The following SLC1A6 variants were observed in gnomAD, a reference collection of about 807,000 sequenced individuals.
The protein encoded by SLC1A6 is solute carrier family 1 member 6.
Under a neutral mutation model 42.1 loss-of-function variants are expected in SLC1A6, and 15 were observed. That is an observed-to-expected ratio of 0.36 (90% CI 0.24 to 0.55). The LOEUF (loss-of-function observed/expected upper bound fraction) is 0.55, where lower values mean the gene tolerates loss of function less well. SLC1A6 is among the 20% of genes least tolerant of loss of function. The pLI is 0.88. For synonymous variants in SLC1A6, 317 were observed against 319.7 expected (o/e 0.99, Z 0.09); for missense variants, 542 against 772.5 (o/e 0.70, Z 3.54).
rs377194223 is a variant in SLC1A6, at chr19:14,994,466, T to G, written c.6+16019A>C. On this transcript the variant is annotated intron_variant, in intron 1 of 8. Coordinates refer to the SLC1A6 transcript ENST00000430939. ...CGTAACTGCATGGATTCTGCAATCC[T>G]GTATGGTTTCTTTACCCCCTACCAC... Among the ~76,000 whole-genome samples the G allele has an allele frequency of 1.4e-4, 21 of 152,266 alleles. No homozygotes were observed. In the East Asian group the frequency reaches 1.7e-3, roughly 13 times the overall value.
upstream of SLC1A6, among the ~76,000 whole-genome samples, chr19:14,983,815 T>C (rs2045780111): frequency 6.8e-6 from 1 of 147,388 alleles, no homozygotes; most frequent in South Asian, 2.2e-4. Context: ...TGCTCAGACA[T>C]AACTTCTAGT....
chr19:14,991,904 C>A (rs1169553655), intron 1 of SLC1A6, among the ~76,000 whole-genome samples: 1 of 151,642 alleles, frequency 6.6e-6, no homozygotes, highest in African/African-American at 2.4e-5. Context: ...TGGCTCACTG[C>A]AATCTCCGCC....
chr19:14,996,041 C>A (rs767489602), intron 1 of SLC1A6, among the ~76,000 whole-genome samples: 14 of 152,076 alleles, frequency 9.2e-5, no homozygotes, highest in Non-Finnish European at 1.6e-4. Flanking sequence ...GAAGGAAACA[C>A]GGTAGAAAAA....
rs538884974 is a variant in SLC1A6, at chr19:14,971,795, A to G, written c.285T>C (p.Leu95=). 2 of 1,614,142 alleles carry G rather than the reference A, an allele frequency of 1.2e-6. No individual in the cohort carries two copies. The highest frequency in any genetic ancestry group is 1.7e-6 in the Non-Finnish European group (2 of 1,180,010). ...CCAGCATCTGCAGCATCCTCATCAG[A>G]AGCTCTCCAGGAAAAGAGAAGTACT... ...QIKYFSFPGE[L]LMRMLQMLVL... Residue 95 remains leucine, a synonymous_variant, in exon 3 of 10, where the codon CTT becomes CTC. Transcript: ENST00000594383.
Position 15,005,593 on chromosome 19 carries a change from A to G in SLC1A6, c.6+4892T>C, listed in dbSNP as rs142200528. 4.9e-3 allele frequency among the ~76,000 whole-genome samples: 742 copies of G among 152,324 alleles called. 11 individuals are homozygous for G. The highest frequency in any genetic ancestry group is 0.017 in the African/African-American group (718 of 41,580). On this transcript the variant is annotated intron_variant, in intron 1 of 8. Transcript: ENST00000430939. ...GCTAGAGAAGTGTCCAAAATGGGTCATCAAAGCCAGGAGCTAGCAGTGAGT... is the reference window on the plus strand; with the variant it reads ...GCTAGAGAAGTGTCCAAAATGGGTCGTCAAAGCCAGGAGCTAGCAGTGAGT...
chr19:14,969,989 C>A (rs1197623455), intron 3 of SLC1A6, among the ~76,000 whole-genome samples: 1 of 152,102 alleles, frequency 6.6e-6, no homozygotes, highest in Non-Finnish European at 1.5e-5. Context: ...CTTCTTCTTC[C>A]TCAGCCTACT....
At chr19:14,995,326 C>CAAAAAAAAAAAAAA (rs1173848535) in intron 1 of SLC1A6, among the ~76,000 whole-genome samples, 2 of 53,022 alleles carry the variant, frequency 3.8e-5, no homozygotes, top group Non-Finnish European at 6.9e-5. Flanking sequence ...ACTCCATCTC[C>CAAAAAAAAAAAAAA]AAAAAAAAAA....
chr19:14,999,968 T>C (rs992560070), intron 1 of SLC1A6, among the ~76,000 whole-genome samples: 2 of 152,044 alleles, frequency 1.3e-5, no homozygotes, highest in African/African-American at 2.4e-5. Context: ...TAACATTAGG[T>C]ATGTCTCCTA....
chr19:14,958,462 T>C (rs892296719), intron 6 of SLC1A6, among the ~76,000 whole-genome samples: 2 of 152,152 alleles, frequency 1.3e-5, no homozygotes, highest in Middle Eastern at 3.4e-3. Context: ...ATCGTGGATG[T>C]GTTGGAGGAG....
chr19:14,958,211 G>C (rs2045479382), intron 6 of SLC1A6, among the ~76,000 whole-genome samples: 1 of 152,044 alleles, frequency 6.6e-6, no homozygotes, highest in Non-Finnish European at 1.5e-5. Flanking sequence ...AGGAGTTCGA[G>C]ACCAGCCTGG....
intron 5 of SLC1A6, among the ~76,000 whole-genome samples, chr19:14,963,444 G>T (rs1214510558): frequency 6.6e-6 from 1 of 152,136 alleles, no homozygotes; most frequent in Non-Finnish European, 1.5e-5. Flanking sequence ...CAGAAGGGTA[G>T]ATTTTAAGTG....
At chr19:14,989,954 T>G (rs1445009967) in intron 1 of SLC1A6, among the ~76,000 whole-genome samples, 2 of 152,052 alleles carry the variant, frequency 1.3e-5, no homozygotes, top group African/African-American at 4.8e-5. Context: ...TTCATGCCAC[T>G]GCACTCCAGC....
Position 14,991,047 on chromosome 19 carries a change from A to G in SLC1A6, c.7-18130T>C, listed in dbSNP as rs570566716. Reference sequence around the variant, plus strand: ...TTATCTGTCATTTAAATAAAATTTTAAAATAAAAATATTTTTAAAACACAC... The same window carrying G: ...TTATCTGTCATTTAAATAAAATTTTGAAATAAAAATATTTTTAAAACACAC... On this transcript the variant is annotated intron_variant, in intron 1 of 8. Coordinates refer to the SLC1A6 transcript ENST00000430939. 1.2e-4 allele frequency among the ~76,000 whole-genome samples: 18 copies of G among 152,346 alleles called. No individual in the cohort carries two copies. The South Asian group carries it at 3.3e-3, about 28-fold the overall frequency.
chr19:14,954,092 C>G (rs374798623), intron 8 of SLC1A6, 43 bp downstream of exon 8: 2 of 1,521,000 alleles, frequency 1.3e-6, no homozygotes, highest in Non-Finnish European at 1.8e-6. Flanking sequence ...CTGATGACCG[C>G]TTAAGTCTCA....
chr19:14,996,628 T>C (rs542572270), intron 1 of SLC1A6, among the ~76,000 whole-genome samples: 5 of 148,498 alleles, frequency 3.4e-5, no homozygotes, highest in Non-Finnish European at 7.5e-5. Context: ...TGACATGATT[T>C]TGATGGTTTA....
chr19:14,955,358 T>C (rs1047639353), intron 7 of SLC1A6, among the ~76,000 whole-genome samples: 1 of 151,892 alleles, frequency 6.6e-6, no homozygotes, highest in Admixed American at 6.6e-5. Context: ...GACGGGCAGA[T>C]CACTTGAGCT....
Position 14,979,050 on chromosome 19 carries a change from T to TCTCTCTCTCTCACACATACACA in SLC1A6, c.-8+258_-8+259insTGTGTATGTGTGAGAGAGAGAG, listed in dbSNP as rs993487319. Reference sequence around the variant, plus strand: ...CAAATTCAGTCTCTCTCTCTCTCTGTCACACACACACACACACACACACAC... The same window carrying TCTCTCTCTCTCACACATACACA: ...CAAATTCAGTCTCTCTCTCTCTCTGTCTCTCTCTCTCACACATACACACACACACACACACACACACACACAC... On this transcript the variant is annotated intron_variant, in intron 1 of 9. Coordinates refer to ENST00000594383, the MANE Select transcript of SLC1A6 (RefSeq NM_005071.3). The surrounding 1 kb of genome is among the most constrained non-coding windows in gnomAD (Gnocchi z 4.2). Among the ~76,000 whole-genome samples, 16 of 131,296 alleles carry TCTCTCTCTCTCACACATACACA rather than the reference T, an allele frequency of 1.2e-4. No individual in the cohort carries two copies. The highest frequency in any genetic ancestry group is 4.6e-4 in the African/African-American group (16 of 35,116). 86.1% of individuals were successfully genotyped at this position (131,296 alleles called of 152,430 possible). A position where few individuals can be genotyped will look rare whatever the true frequency, so the allele number is the denominator to read the frequency against.
chr19:14,963,831 C>CTTTTTTTTTTTTTTTTTTT (rs5827267), intron 5 of SLC1A6, among the ~76,000 whole-genome samples: 1 of 141,254 alleles, frequency 7.1e-6, no homozygotes, highest in Non-Finnish European at 1.5e-5. Flanking sequence ...CCTAAGTCCT[C>CTTTTTTTTTTTTTTTTTTT]TTTTTTTTTT....
rs1480985172 is a variant in SLC1A6 at position 14,979,833 on chromosome 19, G to C, written c.-532C>G. On this transcript the variant is annotated 5_prime_UTR_variant, in exon 1 of 10. Coordinates refer to ENST00000594383, the MANE Select transcript of SLC1A6 (RefSeq NM_005071.3). The surrounding 1 kb of genome is among the most constrained non-coding windows in gnomAD (Gnocchi z 4.2). ...AGGCTCCGCAGCCGTGTGGGAGAAG[G>C]GGGACAGCGTGCTTGCGAAGGGAGG... 6.6e-6 allele frequency: 1 copy of C among 151,846 alleles called. No individual in the cohort carries two copies. The highest frequency in any genetic ancestry group is 2.4e-5 in the African/African-American group (1 of 41,368). 9.4% of individuals were successfully genotyped at this position (151,846 alleles called of 1,614,324 possible). A position where few individuals can be genotyped will look rare whatever the true frequency, so the allele number is the denominator to read the frequency against.
Sources: gnomAD v4.1 joint callset for allele counts (sites outside exome capture counted in the v4.1 genomes callset) on GRCh38, gnomAD v4.1.1 for gene constraint, Gnocchi (gnomAD v3.1) non-coding constraint, MANE v1.5 for transcripts, NCBI Gene and HGNC (gene_info 2026-07-23, HGNC 2026-07-21) for gene names.